Variants in PRDM15 observed in about 807,000 individuals in gnomAD.
PRDM15 encodes PR domain zinc finger protein 15.
In PRDM15, 64 loss-of-function variants were observed where a neutral mutation model predicts 128.6. The ratio of observed to expected loss-of-function variants is 0.50; its 90% CI spans 0.41 to 0.61. The LOEUF (loss-of-function observed/expected upper bound fraction) is 0.61. Ranked by LOEUF, PRDM15 falls within the 20% of genes least tolerant of loss-of-function variation. The pLI is 0.00. For synonymous variants in PRDM15, 615 were observed against 621.8 expected (o/e 0.99, Z 0.16); for missense variants, 1,242 against 1,569.1 (o/e 0.79, Z 3.52).
In PRDM15 at chr21:41,859,741, A is replaced by C; in HGVS notation, c.38-56T>G. 1.4e-6 allele frequency: 2 copies of C among 1,468,866 alleles called. No individual in the cohort carries two copies. Among genetic ancestry groups the C allele is most frequent in the Non-Finnish European group, 1.9e-6 (2 of 1,058,132 alleles). 91.0% of individuals were successfully genotyped at this position (1,468,866 alleles called of 1,614,324 possible). A position where few individuals can be genotyped will look rare whatever the true frequency, so the allele number is the denominator to read the frequency against. ...CCAGGGAGGGAGACACCTAAAGAAC[A>C]CAAACCTGGGAAATGGGGACCCTGG... On this transcript the variant is annotated intron_variant, in intron 2 of 23. Transcript: ENST00000398548. This position sits in a 1 kb window ranked among gnomAD's most constrained non-coding sequence, Gnocchi z 5.3.
intron 7 of PRDM15, among the ~76,000 whole-genome samples, chr21:41,838,412 G>C (rs537014892): frequency 6.6e-6 from 1 of 152,322 alleles, no homozygotes; most frequent in Non-Finnish European, 1.5e-5. Context: ...AATTCTGACA[G>C]AGTTTTAGAA....
At chr21:41,839,455 T>C (rs543898064) in intron 7 of PRDM15, among the ~76,000 whole-genome samples, 168 bp downstream of exon 7, 3 of 152,370 alleles carry the variant, frequency 2.0e-5, no homozygotes, top group African/African-American at 7.2e-5. Flanking sequence ...AATTGTACTT[T>C]ACTAGAGTTG....
chr21:41,854,869 T>A lies in PRDM15; in HGVS notation c.286-51A>T. ...AGCCGGGGAAATGGCTGATTACCCA[T>A]CTGTGTATCAGCGTGTGGGGGGCAG... On this transcript the variant is annotated intron_variant, in intron 4 of 23. Transcript: ENST00000398548. This position sits in a 1 kb window ranked among gnomAD's most constrained non-coding sequence, Gnocchi z 4.6. The A allele has an allele frequency of 3.8e-6, 6 of 1,562,016 alleles. No homozygotes were observed. The highest frequency in any genetic ancestry group is 5.2e-6 in the Non-Finnish European group (6 of 1,151,798).
chr21:41,863,660 C>G (rs1211932046), intron 1 of PRDM15, among the ~76,000 whole-genome samples: 1 of 152,056 alleles, frequency 6.6e-6, no homozygotes, highest in African/African-American at 2.4e-5. Context: ...ACGGAACGCT[C>G]CGTGAAGACA....
rs2061836658 is a variant in PRDM15, at chr21:41,810,692, C to CA, written c.2476+60dup. 2 of 1,353,236 alleles carry CA rather than the reference C, an allele frequency of 1.5e-6. No individual in the cohort carries two copies. Among genetic ancestry groups the CA allele is most frequent in the African/African-American group, 1.4e-5 (1 of 70,006 alleles). 83.8% of individuals were successfully genotyped at this position (1,353,236 alleles called of 1,614,324 possible). On this transcript the variant is annotated intron_variant, in intron 20 of 23. Coordinates refer to ENST00000398548, the MANE Select transcript of PRDM15 (RefSeq NM_001040424.3). The surrounding 1 kb of genome is among the most constrained non-coding windows in gnomAD (Gnocchi z 6.4). Reference sequence around the variant, plus strand: ...AGTCGTTTCCACCCCAGCAGGCACTCAGACAGCCCCGGCAGCCTGCCGCGT... The same window carrying CA: ...AGTCGTTTCCACCCCAGCAGGCACTCAAGACAGCCCCGGCAGCCTGCCGCGT...
In PRDM15 at chr21:41,854,257, G is replaced by C. The variant is rs547516371; in HGVS notation, c.538+309C>G. 1.3e-5 allele frequency among the ~76,000 whole-genome samples: 2 copies of C among 152,234 alleles called. No homozygotes were observed. Among genetic ancestry groups the C allele is most frequent in the South Asian group, 4.2e-4 (2 of 4,804 alleles). On this transcript the variant is annotated intron_variant, in intron 5 of 23. Coordinates refer to ENST00000398548, the MANE Select transcript of PRDM15 (RefSeq NM_001040424.3). This position sits in a 1 kb window ranked among gnomAD's most constrained non-coding sequence, Gnocchi z 4.6. ...CAGGCCAGGCCATCAAGGTGCGCGA[G>C]AGTGCGCTCTACCATGCACTCATGA...
At chr21:41,848,018 A>G (rs866140823) in intron 5 of PRDM15, among the ~76,000 whole-genome samples, 1 of 152,358 alleles carries the variant, frequency 6.6e-6, no homozygotes, top group Middle Eastern at 3.4e-3. Context: ...GGCCCAGGCC[A>G]GTTTCTCTAC....
rs542699604 is a variant in PRDM15 at position 41,820,935 on chromosome 21, G to A, written c.2060+132C>T. On this transcript the variant is annotated intron_variant, in intron 16 of 23. Coordinates refer to ENST00000398548, the MANE Select transcript of PRDM15 (RefSeq NM_001040424.3). Reference sequence around the variant, plus strand: ...GCCCCCGAGCCCTGCTGCGCCCCCAGCTCTGGCCCTGAGACCCAGAGGACA... The same window carrying A: ...GCCCCCGAGCCCTGCTGCGCCCCCAACTCTGGCCCTGAGACCCAGAGGACA... 22 of 1,188,732 alleles carry A rather than the reference G, an allele frequency of 1.9e-5. No homozygotes were observed. The East Asian group carries it at 3.7e-4, about 20-fold the overall frequency. 73.6% of individuals were successfully genotyped at this position (1,188,732 alleles called of 1,614,324 possible).
Position 41,821,827 on chromosome 21 carries a change from G to A in PRDM15, c.1896+76C>T, listed in dbSNP as rs1234867561. The A allele has an allele frequency of 1.3e-6, 2 of 1,574,866 alleles. No individual in the cohort carries two copies. The highest frequency in any genetic ancestry group is 4.5e-5 in the East Asian group (2 of 44,620). On this transcript the variant is annotated intron_variant, in intron 15 of 23. Transcript: ENST00000398548. This position sits in a 1 kb window ranked among gnomAD's most constrained non-coding sequence, Gnocchi z 5.4. Reference sequence around the variant, plus strand: ...TCCGAGATGCATGAAGGTGCCTGCTGTGTGGGGCCCACAGCCTTGAAACGA... The same window carrying A: ...TCCGAGATGCATGAAGGTGCCTGCTATGTGGGGCCCACAGCCTTGAAACGA...
intron 5 of PRDM15, among the ~76,000 whole-genome samples, chr21:41,850,402 TC>T (rs2063392964): frequency 6.7e-6 from 1 of 150,134 alleles, no homozygotes; most frequent in Non-Finnish European, 1.5e-5. Context: ...AGGTTCAGGT[TC>T]TTGTAAAGAA....
chr21:41,847,145 G>A lies in PRDM15; in HGVS notation c.585C>T (p.Ser195=). 6.4e-7 allele frequency: 1 copy of A among 1,555,938 alleles called. No homozygotes were observed. The highest frequency in any genetic ancestry group is 1.9e-5 in the Admixed American group (1 of 51,436). The change falls in exon 6 of 24, where the codon AGC becomes AGT. Residue 195 remains serine, a synonymous_variant. Transcript: ENST00000398548. ...CAGAACACACTTTACACGCCCACTG[G>A]CTGGGCTCCGACTCCACGGGGGCGC... The part of the protein sequence containing the change: ...ENSAPVESEP[S]QWACKVCSAT...
At chr21:41,855,647 C>T (rs549976880) in intron 4 of PRDM15, among the ~76,000 whole-genome samples, 3 of 152,314 alleles carry the variant, frequency 2.0e-5, no homozygotes, top group African/African-American at 2.4e-5. Flanking sequence ...AGGAGCTGAA[C>T]GCTGGTGCAT....
intron 1 of PRDM15, chr21:41,861,879 A>T: frequency 6.3e-7 from 1 of 1,594,504 alleles, no homozygotes; most frequent in Non-Finnish European, 8.6e-7. Flanking sequence ...GGGGGGTGAA[A>T]TTTTCTCCCA....
At chr21:41,808,763 C>G (rs543332031) in intron 21 of PRDM15, among the ~76,000 whole-genome samples, 1 of 152,252 alleles carries the variant, frequency 6.6e-6, no homozygotes, top group South Asian at 2.1e-4. Context: ...CTTTCACGTA[C>G]GTAATGAGCA....
At position 41,836,578 on chromosome 21, in the gene PRDM15, C is replaced by T. The variant is rs143621890; in HGVS notation, c.1073G>A (p.Arg358Gln). The change falls in exon 9 of 24, where the codon CGG (arginine) becomes CAG (glutamine). Residue 358 changes from arginine to glutamine, a missense_variant. Physicochemically the swap from Arg to Gln is conservative, Grantham distance 43. This residue lies in a region of PRDM15 where 612 missense variants were observed against 717.0 expected (regional missense o/e 0.85). Transcript: ENST00000398548. Reference sequence around the variant, plus strand: ...CCCGAGCTGTTTGATGAGCTTGCGCCGGATGCCGTGTCTGCTTGAGAGAAT... The same window carrying T: ...CCCGAGCTGTTTGATGAGCTTGCGCTGGATGCCGTGTCTGCTTGAGAGAAT... ...SLILSSRHGI[R>Q]RKLIKQLGEH... 40 of 1,613,292 alleles carry T rather than the reference C, an allele frequency of 2.5e-5. No homozygotes were observed. In the African/African-American group the frequency reaches 4.4e-4, roughly 18 times the overall value.
chr21:41,862,908 G>A lies in PRDM15; in HGVS notation c.-9-2536C>T, dbSNP rs1353615182. On this transcript the variant is annotated intron_variant, in intron 1 of 23. Coordinates refer to ENST00000398548, the MANE Select transcript of PRDM15 (RefSeq NM_001040424.3). This position sits in a 1 kb window ranked among gnomAD's most constrained non-coding sequence, Gnocchi z 4.1. ...GATCCTGGGCAGGCGTGTGGCTCACGTCTGTAATCCCAGCACTTTCAGAGA... is the reference window on the plus strand; with the variant it reads ...GATCCTGGGCAGGCGTGTGGCTCACATCTGTAATCCCAGCACTTTCAGAGA... 3.3e-5 allele frequency among the ~76,000 whole-genome samples: 5 copies of A among 152,068 alleles called. No homozygotes were observed. Among genetic ancestry groups the A allele is most frequent in the African/African-American group, 9.7e-5 (4 of 41,404 alleles).
chr21:41,801,852 G>A (rs2061426212), intron 23 of PRDM15, 130 bp from the exon 24 acceptor site: 1 of 1,068,274 alleles, frequency 9.4e-7, no homozygotes. Flanking sequence ...AGGAAACCGA[G>A]TTAATTTTGT....
chr21:41,824,938 C>T (rs1043926742), intron 13 of PRDM15, among the ~76,000 whole-genome samples: 5 of 152,238 alleles, frequency 3.3e-5, no homozygotes, highest in East Asian at 1.9e-4. Flanking sequence ...GGGCCTCCTG[C>T]GGGGGCCTGT....
At chr21:41,853,839 G>T (rs1398155721) in intron 5 of PRDM15, among the ~76,000 whole-genome samples, 2 of 152,232 alleles carry the variant, frequency 1.3e-5, no homozygotes, top group South Asian at 2.1e-4. Context: ...ATTGCACGGT[G>T]AGCAGCAACA....
Sources: allele counts gnomAD v4.1 joint callset (sites outside exome capture counted in the v4.1 genomes callset), GRCh38; gene constraint gnomAD v4.1.1; regional missense constraint gnomAD v4.1.1; non-coding constraint Gnocchi (gnomAD v3.1); transcripts MANE v1.5; gene names NCBI Gene and HGNC (gene_info 2026-07-23, HGNC 2026-07-21).